Variants in SLC22A15 observed in about 807,000 individuals in gnomAD.
SLC22A15 encodes solute carrier family 22 member 15, also known as flipt 1.
A neutral mutation model predicts 62.7 loss-of-function variants in SLC22A15; 45 were observed. The observed-to-expected ratio is 0.72, with a 90% CI of 0.56 to 0.92. The LOEUF (loss-of-function observed/expected upper bound fraction) is 0.92. Ranked by LOEUF, SLC22A15 falls within the 40% of genes least tolerant of loss-of-function variation. The pLI is 0.00. For missense variants in SLC22A15, 622 were observed against 665.6 expected (o/e 0.93, Z 0.72); for synonymous variants, 264 against 267.0 (o/e 0.99, Z 0.11).
chr1:116,059,063 C>T (rs879641647), intron 8 of SLC22A15, among the ~76,000 whole-genome samples: 14 of 152,094 alleles, frequency 9.2e-5, no homozygotes, highest in Admixed American at 7.2e-4. Flanking sequence ...AAAGAACTTA[C>T]TCATGTAACC....
chr1:116,015,692 T>C (rs1028793516), intron 2 of SLC22A15, among the ~76,000 whole-genome samples: 1 of 152,200 alleles, frequency 6.6e-6, no homozygotes, highest in African/African-American at 2.4e-5. Flanking sequence ...AGGTGCAGGT[T>C]AATGAAGACT....
At chr1:116,016,930 T>C (rs1449025837) in intron 2 of SLC22A15, among the ~76,000 whole-genome samples, 1 of 152,194 alleles carries the variant, frequency 6.6e-6, no homozygotes, top group South Asian at 2.1e-4. Flanking sequence ...TTTGCTATCA[T>C]ATTGCATTCT....
At chr1:116,052,944 A>T (rs1219276463) in intron 8 of SLC22A15, among the ~76,000 whole-genome samples, 1 of 152,124 alleles carries the variant, frequency 6.6e-6, no homozygotes, top group African/African-American at 2.4e-5. Flanking sequence ...AGATAAAACC[A>T]CAAAGATGGG....
At chr1:116,062,953 T>C in intron 9 of SLC22A15, 71 bp downstream of exon 9, 1 of 1,569,276 alleles carries the variant, frequency 6.4e-7, no homozygotes, top group Non-Finnish European at 8.7e-7. Flanking sequence ...CCAACAGAGG[T>C]GTGGTACTCA....
intron 2 of SLC22A15, among the ~76,000 whole-genome samples, chr1:116,011,044 C>G (rs1656226986): frequency 6.6e-6 from 1 of 152,154 alleles, no homozygotes; most frequent in African/African-American, 2.4e-5. Flanking sequence ...GGTGCGTCCT[C>G]CTTTCAGAGA....
intron 2 of SLC22A15, among the ~76,000 whole-genome samples, chr1:115,994,650 A>G (rs1199330229): frequency 1.3e-5 from 2 of 152,168 alleles, no homozygotes; most frequent in East Asian, 3.8e-4. Context: ...CCTCATTAGC[A>G]TTATTATTGT....
At chr1:116,027,072 T>C in intron 5 of SLC22A15, 50 bp downstream of exon 5, 2 of 1,568,620 alleles carry the variant, frequency 1.3e-6, no homozygotes, top group Non-Finnish European at 1.8e-6. Context: ...CAAAGCAATG[T>C]CTTAAGAGGA....
chr1:116,037,934 A>G (rs904888732), intron 8 of SLC22A15, among the ~76,000 whole-genome samples: 1 of 152,238 alleles, frequency 6.6e-6, no homozygotes, highest in Non-Finnish European at 1.5e-5. Flanking sequence ...ATATTTTTAT[A>G]TATGTGTAGC....
At chr1:116,052,683 C>A (rs957794458) in intron 8 of SLC22A15, among the ~76,000 whole-genome samples, 1 of 152,182 alleles carries the variant, frequency 6.6e-6, no homozygotes, top group African/African-American at 2.4e-5. Flanking sequence ...ACACCTCACA[C>A]GGCGGGCTAC....
chr1:116,007,314 G>T (rs949919863), intron 2 of SLC22A15, among the ~76,000 whole-genome samples: 8 of 152,218 alleles, frequency 5.3e-5, no homozygotes. Flanking sequence ...CTCCCTCAGG[G>T]CTCTTTGGGA....
intron 8 of SLC22A15, among the ~76,000 whole-genome samples, chr1:116,054,045 C>T (rs1658132602): frequency 2.6e-5 from 4 of 151,700 alleles, no homozygotes; most frequent in Admixed American, 2.6e-4. Context: ...ATCAAATTTA[C>T]ACATAACAAT....
chr1:116,031,527 A>C lies in SLC22A15; in HGVS notation c.890A>C (p.Asp297Ala), dbSNP rs1447136988. Residue 297 changes from aspartate to alanine, a missense_variant, in exon 6 of 12, where the codon GAT (aspartate) becomes GCT (alanine). Asp to Ala is a moderately radical substitution (Grantham distance 126, BLOSUM62 -2). Transcript: ENST00000369503. The part of the protein sequence containing the change: ...RSCRETGSFL[D>A]LFRYRVLLGH... ...TGCAGGGAGACTGGAAGTTTCCTGG[A>C]TCTCTTTCGTTACCGGGTCCTGTTA... is the stretch of plus-strand genomic sequence containing the variant. The C allele has an allele frequency of 2.5e-6, 4 of 1,613,842 alleles. No individual in the cohort carries two copies. Among genetic ancestry groups the C allele is most frequent in the African/African-American group, 1.3e-5 (1 of 74,930 alleles).
chr1:116,037,402 A>T lies in SLC22A15; in HGVS notation c.1171+14A>T. On this transcript the variant is annotated intron_variant, in intron 8 of 11. Coordinates refer to ENST00000369503, the MANE Select transcript of SLC22A15 (RefSeq NM_018420.3). ...CAGAAAAGAAAGGTATGCCTTTCAAATTTCTACAAGGGTTTTGAACAGTAC... is the reference window on the plus strand; with the variant it reads ...CAGAAAAGAAAGGTATGCCTTTCAATTTTCTACAAGGGTTTTGAACAGTAC... 1 of 1,589,122 alleles carries T rather than the reference A, an allele frequency of 6.3e-7. No homozygotes were observed. The highest frequency in any genetic ancestry group is 1.1e-5 in the South Asian group (1 of 90,560).
intron 5 of SLC22A15, among the ~76,000 whole-genome samples, chr1:116,029,067 T>G (rs1215852494): frequency 6.6e-6 from 1 of 152,210 alleles, no homozygotes. Context: ...CTTTGCTCCA[T>G]GATAACATTT....
chr1:116,013,505 C>T (rs974898860), intron 2 of SLC22A15, among the ~76,000 whole-genome samples: 5 of 152,032 alleles, frequency 3.3e-5, no homozygotes, highest in Admixed American at 1.3e-4. Context: ...GAGAGTATTA[C>T]GTGAAAGTTC....
chr1:115,997,498 C>T (rs1655488417), intron 2 of SLC22A15, among the ~76,000 whole-genome samples: 1 of 152,012 alleles, frequency 6.6e-6, no homozygotes, highest in African/African-American at 2.4e-5. Context: ...TTATAGCTTT[C>T]ACTTTGGAGA....
At chr1:116,004,988 T>A (rs1319200343) in intron 2 of SLC22A15, among the ~76,000 whole-genome samples, 1 of 152,238 alleles carries the variant, frequency 6.6e-6, no homozygotes, top group African/African-American at 2.4e-5. Context: ...TATCATTGTT[T>A]TGATATTTTC....
chr1:116,047,621 G>T (rs894322997), intron 8 of SLC22A15, among the ~76,000 whole-genome samples: 6 of 152,132 alleles, frequency 3.9e-5, no homozygotes, highest in African/African-American at 1.4e-4. Context: ...GCTAGACCCA[G>T]AAGAGAGACA....
rs57947156 is a variant in SLC22A15, at chr1:116,020,583, A to C, written c.434-138A>C. 6.6e-3 allele frequency: 5,087 copies of C among 767,864 alleles called. 206 individuals are homozygous for C. The African/African-American group carries it at 0.083, about 13-fold the overall frequency. The allele number at this position is 767,864 out of a possible 1,614,324, so 47.6% of individuals were successfully genotyped here. On this transcript the variant is annotated intron_variant, in intron 3 of 11. Coordinates refer to ENST00000369503, the MANE Select transcript of SLC22A15 (RefSeq NM_018420.3). ...AAAAAAAACAAAAAAACAAAAAAAA[A>C]CAAAAAGAAACCCACAAAAACAGCT...
Sources: allele counts gnomAD v4.1 joint callset (sites outside exome capture counted in the v4.1 genomes callset), GRCh38; gene constraint gnomAD v4.1.1; transcripts MANE v1.5; gene names NCBI Gene and HGNC (gene_info 2026-07-23, HGNC 2026-07-21).